The following TMEM25 variants were observed in gnomAD, a reference collection of about 807,000 sequenced individuals.
TMEM25 encodes 0610039J01Rik.
Under a neutral mutation model 37.0 loss-of-function variants are expected in TMEM25, and 36 were observed. That is an observed-to-expected ratio of 0.97 (90% CI 0.75 to 1.28). The LOEUF (loss-of-function observed/expected upper bound fraction) is 1.28. Ranked by LOEUF, TMEM25 falls within the 50% of genes most tolerant of loss-of-function variation. The probability of loss-of-function intolerance (pLI) is 0.00; values close to 1 mark genes in which losing one functional copy is unlikely to be tolerated. For missense variants in TMEM25, 444 were observed against 477.9 expected (o/e 0.93, Z 0.66); for synonymous variants, 197 against 203.7 (o/e 0.97, Z 0.28).
At position 118,543,021 on chromosome 11, in the gene TMEM25, C is replaced by T. The variant is rs545013066; in HGVS notation, c.1028-3098C>T. 9.7e-4 allele frequency among the ~76,000 whole-genome samples: 147 copies of T among 152,280 alleles called. 2 individuals are homozygous for T. In the South Asian group the frequency reaches 0.029, roughly 30 times the overall value. ...CTTTGGGAGGCTGAGGCAGTCGGAT[C>T]ATGAGGTCAGCAGATTGAGACCACC... is the stretch of plus-strand genomic sequence containing the variant. On this transcript the variant is annotated intron_variant, in intron 8 of 8. Coordinates refer to the TMEM25 transcript ENST00000354284.
chr11:118,533,919 T>A (rs782515886), intron 6 of TMEM25, 32 bp downstream of exon 6: 1 of 1,614,076 alleles, frequency 6.2e-7, no homozygotes, highest in Admixed American at 1.7e-5. Flanking sequence ...TGGACAAGCC[T>A]AACCGAAATG....
At position 118,535,319 on chromosome 11, in the gene TMEM25, A is replaced by G; in HGVS notation, c.*739A>G. 6 of 1,325,364 alleles carry G rather than the reference A, an allele frequency of 4.5e-6. 1 individual carries two copies. In the South Asian group the frequency reaches 1.4e-4, roughly 30 times the overall value. The allele number at this position is 1,325,364 out of a possible 1,614,324, so 82.1% of individuals were successfully genotyped here. A position where few individuals can be genotyped will look rare whatever the true frequency, so the allele number is the denominator to read the frequency against. On this transcript the variant is annotated 3_prime_UTR_variant, in exon 9 of 9. Transcript: ENST00000313236. ...GTTAGGGAGGAAGAGGCAGGCGATG[A>G]GTCTAGTAGCACCCAGGACGGCTTG...
Position 118,533,221 on chromosome 11 carries a change from G to A in TMEM25, c.673+14G>A, listed in dbSNP as rs782061222. On this transcript the variant is annotated intron_variant, in intron 4 of 8. Coordinates refer to ENST00000313236, the MANE Select transcript of TMEM25 (RefSeq NM_032780.4). ...TTCCAGCCCCAGGTGAGCATGGCCA[G>A]CAAGCGGCCCTGCAAAGCTTCAGGT... 2 of 1,579,702 alleles carry A rather than the reference G, an allele frequency of 1.3e-6. No homozygotes were observed. Among genetic ancestry groups the A allele is most frequent in the South Asian group, 1.1e-5 (1 of 87,546 alleles).
downstream of TMEM25, among the ~76,000 whole-genome samples, chr11:118,540,291 A>G (rs1356547164): frequency 6.6e-6 from 1 of 151,870 alleles, no homozygotes; most frequent in Non-Finnish European, 1.5e-5. Flanking sequence ...CTTCTGGTTC[A>G]TGCCCTTTCC....
intron 1 of TMEM25, chr11:118,531,513 C>T (rs1951263348): frequency 1.8e-6 from 1 of 545,116 alleles, no homozygotes; most frequent in East Asian, 3.0e-5. Context: ...CTCGTTGCTT[C>T]TGCGTATCTG....
rs143320045 is a variant in TMEM25 at position 118,534,584 on chromosome 11, G to A, written c.*4G>A. ...CAGTGATGAGATCTGGCTCTGAGCC[G>A]AGGGCGAGACAGGAGTATTCTCTTG... is the stretch of plus-strand genomic sequence containing the variant. On this transcript the variant is annotated 3_prime_UTR_variant, in exon 9 of 9. Transcript: ENST00000313236. This position sits in a 1 kb window ranked among gnomAD's most constrained non-coding sequence, Gnocchi z 4.6. The A allele has an allele frequency of 3.2e-4, 521 of 1,614,026 alleles. 1 individual carries two copies. Among genetic ancestry groups the A allele is most frequent in the East Asian group, 2.4e-3 (109 of 44,870 alleles).
chr11:118,533,801 C>G (rs1199667302), intron 5 of TMEM25, 56 bp from the exon 6 acceptor site: 17 of 1,612,244 alleles, frequency 1.1e-5, no homozygotes, highest in Admixed American at 5.0e-5. Flanking sequence ...AAGGGTAGGA[C>G]AGCCCAGCGT....
At position 118,543,809 on chromosome 11, in the gene TMEM25, C is replaced by CT. The variant is rs35217372; in HGVS notation, c.1028-2295dup. On this transcript the variant is annotated intron_variant, in intron 8 of 8. Coordinates refer to the TMEM25 transcript ENST00000354284. ...GCCAATTCCCCATATTAAACACCCC[C>CT]TTTTTTTTTTTTTTTGAGATGCAGT... 1.9e-3 allele frequency among the ~76,000 whole-genome samples: 251 copies of CT among 133,252 alleles called. 1 individual carries two copies. The highest frequency in any genetic ancestry group is 0.011 in the South Asian group (47 of 4,136). The allele number at this position is 133,252 out of a possible 152,430, so 87.4% of individuals were successfully genotyped here. A position where few individuals can be genotyped will look rare whatever the true frequency, so the allele number is the denominator to read the frequency against.
At chr11:118,544,877 G>A (rs1299510413) in intron 8 of TMEM25, 11 of 1,428,568 alleles carry the variant, frequency 7.7e-6, no homozygotes, top group Non-Finnish European at 9.9e-6. Context: ...TGGGGCAGAG[G>A]GGCCAGCTCA....
In TMEM25 at chr11:118,534,682, C is replaced by T; in HGVS notation, c.*102C>T. On this transcript the variant is annotated 3_prime_UTR_variant, in exon 9 of 9. Coordinates refer to ENST00000313236, the MANE Select transcript of TMEM25 (RefSeq NM_032780.4). The surrounding 1 kb of genome is among the most constrained non-coding windows in gnomAD (Gnocchi z 4.6). ...GGTCACCAACGTGAAGAAGTTATGC[C>T]ACTGCCACTTTTGCTTGCCCTCCTG... 6.5e-7 allele frequency: 1 copy of T among 1,536,064 alleles called. No homozygotes were observed. The highest frequency in any genetic ancestry group is 1.2e-5 in the South Asian group (1 of 82,312).
chr11:118,545,816 G>C, intron 8 of TMEM25: 1 of 1,614,190 alleles, frequency 6.2e-7, no homozygotes, highest in Non-Finnish European at 8.5e-7. Context: ...AATGTACTCT[G>C]CCAGGCTGCA....
At chr11:118,533,622 T>G in intron 5 of TMEM25, 71 bp downstream of exon 5, 4 of 1,609,606 alleles carry the variant, frequency 2.5e-6, no homozygotes, top group Non-Finnish European at 3.4e-6. Context: ...CAAGTGCAGC[T>G]GGGCAGAACC....
chr11:118,540,514 C>A (rs1951565171), downstream of TMEM25, among the ~76,000 whole-genome samples: 1 of 152,230 alleles, frequency 6.6e-6, no homozygotes, highest in African/African-American at 2.4e-5. Flanking sequence ...TTGATAGCCC[C>A]TTGGCAAGAC....
chr11:118,533,562 G>A lies in TMEM25; in HGVS notation c.805+11G>A. The A allele has an allele frequency of 6.2e-7, 1 of 1,613,800 alleles. No individual in the cohort carries two copies. The highest frequency in any genetic ancestry group is 2.2e-5 in the East Asian group (1 of 44,884). ...AGAAGAAAACCAAAGGTAGGCCAGG[G>A]ACACTGGGGGCAGTGTGGATGAGGT... On this transcript the variant is annotated intron_variant, in intron 5 of 8. Coordinates refer to ENST00000313236, the MANE Select transcript of TMEM25 (RefSeq NM_032780.4).
rs1250556646 is a variant in TMEM25 at position 118,544,569 on chromosome 11, AACTT to A, written c.1028-1549_1028-1546del. 1.3e-5 allele frequency: 3 copies of A among 238,458 alleles called. No individual in the cohort carries two copies. In the East Asian group the frequency reaches 2.9e-4, roughly 23 times the overall value. 14.8% of individuals were successfully genotyped at this position (238,458 alleles called of 1,614,324 possible). ...TTGATTTATAAAATCTTTACTCACT[AACTT>A]TACGAATGAAAGAAAACAATTCCAT... On this transcript the variant is annotated intron_variant, in intron 8 of 8. Coordinates refer to the TMEM25 transcript ENST00000354284.
At chr11:118,532,003 CCCTAGGTCCAACCAG>C (rs1951299190) in intron 2 of TMEM25, 132 bp downstream of exon 2, 22 of 1,361,614 alleles carry the variant, frequency 1.6e-5, no homozygotes, top group Non-Finnish European at 2.2e-5. Context: ...CACCCACCTA[CCCTAGGTCCAACCAG>C]CCAGTCCCTG....
chr11:118,532,641 A>T (rs1419319790), intron 3 of TMEM25, 180 bp downstream of exon 3: 2 of 845,904 alleles, frequency 2.4e-6, no homozygotes, highest in Admixed American at 5.9e-5. Flanking sequence ...TTTTACAAAT[A>T]AGAAAACTGA....
At position 118,534,850 on chromosome 11, in the gene TMEM25, C is replaced by T. The variant is rs528361697; in HGVS notation, c.*270C>T. 158 of 1,326,864 alleles carry T rather than the reference C, an allele frequency of 1.2e-4. No individual in the cohort carries two copies. The African/African-American group carries it at 2.3e-3, about 19-fold the overall frequency. The allele number at this position is 1,326,864 out of a possible 1,614,324, so 82.2% of individuals were successfully genotyped here. On this transcript the variant is annotated 3_prime_UTR_variant, in exon 9 of 9. Coordinates refer to ENST00000313236, the MANE Select transcript of TMEM25 (RefSeq NM_032780.4). The surrounding 1 kb of genome is among the most constrained non-coding windows in gnomAD (Gnocchi z 4.6). The stretch of plus-strand genomic sequence containing the variant: ...GTGGGCCCTGCATGTGATGACTGGG[C>T]CCTTCCAGAGGGAGCTCTTTGGCCA...
chr11:118,533,524 G>T lies in TMEM25; in HGVS notation c.778G>T (p.Val260Phe), dbSNP rs782218884. ...VGFSTLVACL[V>F]CRKEKKTKGP... is the part of the protein sequence containing the mutation. ...GTTCAGCACCTTGGTGGCCTGCCTGGTCTGCAGAAAAGAGAAGAAAACCAA... is the reference window on the plus strand; with the variant it reads ...GTTCAGCACCTTGGTGGCCTGCCTGTTCTGCAGAAAAGAGAAGAAAACCAA... The change falls in exon 5 of 9, where the codon GTC becomes TTC. Residue 260 changes from valine (V) to phenylalanine (F), a missense_variant. By Grantham distance (50) the Val-to-Phe change is conservative. Coordinates refer to ENST00000313236, the MANE Select transcript of TMEM25 (RefSeq NM_032780.4). 6.2e-7 allele frequency: 1 copy of T among 1,614,020 alleles called. No homozygotes were observed. The highest frequency in any genetic ancestry group is 1.3e-5 in the African/African-American group (1 of 74,922).
Sources: gnomAD v4.1 joint callset for allele counts (sites outside exome capture counted in the v4.1 genomes callset) on GRCh38, gnomAD v4.1.1 for gene constraint, Gnocchi (gnomAD v3.1) non-coding constraint, MANE v1.5 for transcripts, NCBI Gene and HGNC (gene_info 2026-07-23, HGNC 2026-07-21) for gene names.